CYREN: variants seen among roughly 807,000 people sequenced by gnomAD.
The protein encoded by CYREN is cell cycle regulator of NHEJ.
In CYREN, 7 loss-of-function variants were observed where a neutral mutation model predicts 9.7. The observed-to-expected ratio is 0.72, with a 90% CI of 0.41 to 1.36. The LOEUF (loss-of-function observed/expected upper bound fraction) is 1.36. CYREN is among the 40% of genes most tolerant of loss of function. The pLI is 0.01. For synonymous variants in CYREN, 76 were observed against 77.9 expected, an observed-to-expected ratio of 0.98 and a Z score of 0.13; for missense variants, 215 against 198.1, an observed-to-expected ratio of 1.09 and a Z score of -0.51.
chr7:135,147,533 C>T (rs554583369), intron 2 of CYREN, among the ~76,000 whole-genome samples: 2 of 152,294 alleles, frequency 1.3e-5, no homozygotes, highest in East Asian at 3.9e-4. Context: ...CTTTGTTCGG[C>T]TCTTATTTTG....
chr7:135,171,563 T>C (rs1443615387), upstream of CYREN, among the ~76,000 whole-genome samples: 1 of 152,182 alleles, frequency 6.6e-6, no homozygotes, highest in Non-Finnish European at 1.5e-5. Flanking sequence ...CTTGCTCAAA[T>C]CAATCACGAC....
In CYREN at chr7:135,168,955, C is replaced by T; in HGVS notation, c.-33G>A. The T allele has an allele frequency of 6.5e-7, 1 of 1,529,550 alleles. No homozygotes were observed. Among genetic ancestry groups the T allele is most frequent in the Non-Finnish European group, 8.8e-7 (1 of 1,139,082 alleles). The allele number at this position is 1,529,550 out of a possible 1,614,324, so 94.7% of individuals were successfully genotyped here. A position where few individuals can be genotyped will look rare whatever the true frequency, so the allele number is the denominator to read the frequency against. On this transcript the variant is annotated 5_prime_UTR_variant, in exon 2 of 4. Transcript: ENST00000393114. ...CCTTCTCACAAAGAAGAGTCAGGGC[C>T]CAAGCTTAATGACCTGTTTTTTAAT...
At chr7:135,154,477 G>T (rs191175096) in intron 2 of CYREN, among the ~76,000 whole-genome samples, 9 of 152,048 alleles carry the variant, frequency 5.9e-5, no homozygotes, top group Non-Finnish European at 1.0e-4. Context: ...CTACTTTTTT[G>T]ATGTAGGCAT....
intron 2 of CYREN, among the ~76,000 whole-genome samples, chr7:135,147,418 T>C (rs777087793): frequency 1.8e-4 from 27 of 152,234 alleles, no homozygotes; most frequent in Non-Finnish European, 2.5e-4. Context: ...AGCAGTCTCA[T>C]GTAACCAAGT....
At position 135,165,795 on chromosome 7, in the gene CYREN, T is replaced by C. The variant is rs545170804; in HGVS notation, c.*816A>G. 1.2e-5 allele frequency: 2 copies of C among 167,040 alleles called. No homozygotes were observed. Among genetic ancestry groups the C allele is most frequent in the Non-Finnish European group, 1.5e-5 (1 of 68,130 alleles). 10.3% of individuals were successfully genotyped at this position (167,040 alleles called of 1,614,324 possible). Reference sequence around the variant, plus strand: ...TTAGCACAACTTACGCATTGGGGAATTGTGTGTATTTTCTAGCACTTGTGT... The same window carrying C: ...TTAGCACAACTTACGCATTGGGGAACTGTGTGTATTTTCTAGCACTTGTGT... On this transcript the variant is annotated 3_prime_UTR_variant, in exon 4 of 4. Transcript: ENST00000393114.
At chr7:135,122,713 T>C (rs1350860992) in intron 2 of CYREN, among the ~76,000 whole-genome samples, 1 of 152,132 alleles carries the variant, frequency 6.6e-6, no homozygotes, top group Non-Finnish European at 1.5e-5. Context: ...TCCAGCCTCC[T>C]TGAGTGACAT....
chr7:135,093,632 A>G (rs1216879992), exon 3 of CYREN: 1 of 152,210 alleles, frequency 6.6e-6, no homozygotes, highest in East Asian at 1.9e-4. Flanking sequence ...AAATGGCAAG[A>G]TAACTCTGGT....
At chr7:135,109,382 A>G (rs1332213643) in intron 2 of CYREN, among the ~76,000 whole-genome samples, 2 of 151,296 alleles carry the variant, frequency 1.3e-5, no homozygotes, top group Non-Finnish European at 2.9e-5. Flanking sequence ...TAGAGCTGCT[A>G]TTGGCTCGAT....
chr7:135,169,456 A>G (rs1830488356), intron 1 of CYREN: 1 of 152,238 alleles, frequency 6.6e-6, no homozygotes, highest in South Asian at 2.1e-4. Context: ...GGCCAACTCG[A>G]TTTCTCTACT....
chr7:135,143,387 G>A (rs1235537382), intron 2 of CYREN, among the ~76,000 whole-genome samples: 1 of 152,088 alleles, frequency 6.6e-6, no homozygotes, highest in Non-Finnish European at 1.5e-5. Flanking sequence ...TCAACAAATG[G>A]TGCTGGAACA....
downstream of CYREN, chr7:135,164,986 T>G: frequency 6.3e-7 from 1 of 1,595,884 alleles, no homozygotes; most frequent in Non-Finnish European, 8.6e-7. Flanking sequence ...GAGAGCAAGC[T>G]TGAGAGCTGC....
intron 2 of CYREN, among the ~76,000 whole-genome samples, chr7:135,158,181 T>A (rs1444302517): frequency 6.7e-6 from 1 of 149,572 alleles, no homozygotes; most frequent in East Asian, 2.0e-4. Flanking sequence ...AGGGCAGGGG[T>A]CCCTCCAGGC....
intron 2 of CYREN, among the ~76,000 whole-genome samples, chr7:135,096,757 A>AAGAAAGAG (rs1822918961): frequency 6.8e-6 from 1 of 147,602 alleles, no homozygotes; most frequent in Non-Finnish European, 1.5e-5. Context: ...GAAAGAAAGA[A>AAGAAAGAG]AGAAAGAAAG....
At chr7:135,129,194 C>G in intron 2 of CYREN, 1 of 1,418,038 alleles carries the variant, frequency 7.1e-7, no homozygotes, top group Non-Finnish European at 1.0e-6. Context: ...TGGTGTACTG[C>G]CCCCACGCAT....
chr7:135,120,849 T>C (rs903461007), intron 2 of CYREN, among the ~76,000 whole-genome samples: 1 of 152,170 alleles, frequency 6.6e-6, no homozygotes, highest in African/African-American at 2.4e-5. Flanking sequence ...AGAGGGGCAT[T>C]ATATATAATG....
chr7:135,099,645 A>G (rs1251213689), intron 2 of CYREN, among the ~76,000 whole-genome samples: 1 of 152,024 alleles, frequency 6.6e-6, no homozygotes, highest in Non-Finnish European at 1.5e-5. Flanking sequence ...TAAGATTTTG[A>G]TTTTGAATTA....
intron 2 of CYREN, among the ~76,000 whole-genome samples, chr7:135,096,576 G>C (rs10276964): frequency 0.1 from 2,664 of 26,004 alleles, 161 homozygotes; most frequent in African/African-American, 0.22. Context: ...TAGATAGATA[G>C]ATAGATACAT....
chr7:135,164,552 C>T (rs1386082566), downstream of CYREN: 1 of 1,614,218 alleles, frequency 6.2e-7, no homozygotes, highest in Non-Finnish European at 8.5e-7. Context: ...GGGAGGCTGG[C>T]AACCTCACTG....
At chr7:135,123,634 A>G (rs1827450036) in intron 2 of CYREN, among the ~76,000 whole-genome samples, 1 of 152,200 alleles carries the variant, frequency 6.6e-6, no homozygotes, top group South Asian at 2.1e-4. Flanking sequence ...TGTTAAGGGC[A>G]GCCAGAGAGA....
Sources: allele counts gnomAD v4.1 joint callset (sites outside exome capture counted in the v4.1 genomes callset), GRCh38; gene constraint gnomAD v4.1.1; transcripts MANE v1.5; gene names NCBI Gene and HGNC (gene_info 2026-07-23, HGNC 2026-07-21).